ANK2: variants seen among roughly 807,000 people sequenced by gnomAD.
ANK2 encodes the protein ankyrin-2.
A neutral mutation model predicts 360.5 loss-of-function variants in ANK2; 83 were observed. That is an observed-to-expected ratio of 0.23 (90% CI 0.19 to 0.28). The LOEUF (loss-of-function observed/expected upper bound fraction) is 0.28. Ranked by LOEUF, ANK2 falls within the 10% of genes least tolerant of loss-of-function variation. ANK2 has a pLI of 1.00. For missense variants in ANK2, 4,201 were observed against 4,795.7 expected (o/e 0.88, Z 3.66); for synonymous variants, 1,740 against 1,759.5 (o/e 0.99, Z 0.28).
intron 1 of ANK2, 72 bp downstream of exon 1, chr4:113,049,884 G>A: frequency 1.3e-6 from 2 of 1,547,996 alleles, no homozygotes; most frequent in Non-Finnish European, 1.8e-6. Context: ...TGTAATATCA[G>A]CAAGGCTATG....
chr4:112,898,287 C>T (rs1471884466), intron 1 of ANK2, among the ~76,000 whole-genome samples: 2 of 152,126 alleles, frequency 1.3e-5, no homozygotes. Context: ...TGCCCCTTTT[C>T]TCTTCTAGGA....
chr4:113,308,339 T>C (rs1295076445), intron 23 of ANK2, among the ~76,000 whole-genome samples: 1 of 152,198 alleles, frequency 6.6e-6, no homozygotes, highest in Non-Finnish European at 1.5e-5. Flanking sequence ...AGTTCTGCTG[T>C]GGACATGCTA....
intron 1 of ANK2, among the ~76,000 whole-genome samples, chr4:113,064,141 T>G (rs1215322077): frequency 2.6e-5 from 4 of 152,218 alleles, no homozygotes; most frequent in African/African-American, 7.2e-5. Context: ...CTGAATTGTT[T>G]ACAGGTGTTA....
intron 2 of ANK2, among the ~76,000 whole-genome samples, chr4:113,032,254 T>C (rs1441097049): frequency 6.6e-6 from 1 of 152,076 alleles, no homozygotes; most frequent in East Asian, 1.9e-4. Flanking sequence ...TCATGTCTTC[T>C]TTTGTTGATC....
At chr4:113,179,171 C>G (rs766199607) in intron 2 of ANK2, among the ~76,000 whole-genome samples, 1 of 152,014 alleles carries the variant, frequency 6.6e-6, no homozygotes, top group Non-Finnish European at 1.5e-5. Context: ...TCTAAGTATA[C>G]AATATTCAAA....
chr4:113,087,013 A>C (rs989218037), intron 1 of ANK2, among the ~76,000 whole-genome samples: 3 of 152,210 alleles, frequency 2.0e-5, no homozygotes, highest in Non-Finnish European at 4.4e-5. Context: ...AGACCTGACC[A>C]AGACAGTTCT....
intron 17 of ANK2, among the ~76,000 whole-genome samples, chr4:113,280,036 T>C (rs981336106): frequency 8.5e-5 from 13 of 152,288 alleles, no homozygotes; most frequent in South Asian, 8.3e-4. Context: ...TGAGCAACTA[T>C]GGAATAAAAA....
chr4:113,344,022 C>G (rs1260148642), intron 34 of ANK2, among the ~76,000 whole-genome samples: 1 of 152,122 alleles, frequency 6.6e-6, no homozygotes, highest in South Asian at 2.1e-4. Context: ...TTAAGTTTTT[C>G]CAAGATCTCT....
intron 39 of ANK2, among the ~76,000 whole-genome samples, chr4:113,361,843 A>T (rs963013131): frequency 3.3e-5 from 5 of 152,088 alleles, no homozygotes; most frequent in Non-Finnish European, 7.4e-5. Context: ...TGGTTTTTAA[A>T]TATGTTTGTA....
intron 20 of ANK2, among the ~76,000 whole-genome samples, chr4:113,292,123 A>C (rs985229245): frequency 5.9e-5 from 9 of 152,036 alleles, no homozygotes; most frequent in Admixed American, 5.2e-4. Flanking sequence ...CACCCCCTTC[A>C]CCTTCTTAAG....
At chr4:113,271,891 C>T (rs2058676629) in intron 14 of ANK2, among the ~76,000 whole-genome samples, 1 of 152,170 alleles carries the variant, frequency 6.6e-6, no homozygotes, top group Non-Finnish European at 1.5e-5. Context: ...GCAGGAAGGT[C>T]CTTCCTTGTC....
chr4:112,938,020 G>A (rs1475719445), intron 2 of ANK2, among the ~76,000 whole-genome samples: 2 of 152,030 alleles, frequency 1.3e-5, no homozygotes, highest in African/African-American at 4.8e-5. Flanking sequence ...TATACATAGT[G>A]GGCACAAAGT....
At position 113,249,818 on chromosome 4, in the gene ANK2, G is replaced by T; in HGVS notation, c.946G>T (p.Glu316Ter). 6.2e-7 allele frequency: 1 copy of T among 1,614,162 alleles called. No homozygotes were observed. The highest frequency in any genetic ancestry group is 8.5e-7 in the Non-Finnish European group (1 of 1,180,036). Residue 316 changes from glutamate (E) to a stop codon, truncating the protein, a stop_gained, in exon 10 of 46, where the codon GAA becomes TAA. Coordinates refer to ENST00000357077, the MANE Select transcript of ANK2 (RefSeq NM_001148.6). LOFTEE classifies it high-confidence loss of function. The stretch of plus-strand genomic sequence containing the variant: ...ACGAAGTGGGCATGACCAAGTGGTG[G>T]AACTTCTGTTGGAACGGGGTGCCCC... ...AARSGHDQVVELLLERGAPLL... is the reference protein window; with the variant it reads ...AARSGHDQVV
intron 29 of ANK2, 149 bp from the exon 30 acceptor site, chr4:113,335,697 C>T: frequency 2.4e-6 from 2 of 820,630 alleles, no homozygotes; most frequent in Non-Finnish European, 4.1e-6. Context: ...GTTAGGATAG[C>T]CTTGCTTTTT....
chr4:112,883,946 C>G (rs1238462615), intron 1 of ANK2, among the ~76,000 whole-genome samples: 2 of 150,088 alleles, frequency 1.3e-5, no homozygotes, highest in Non-Finnish European at 3.0e-5. Flanking sequence ...CCTGATTGCT[C>G]TAGATAAGGA....
At chr4:112,772,530 G>C in the ANK2 span, among the ~76,000 whole-genome samples, 2 of 151,972 alleles carry the variant, frequency 1.3e-5, no homozygotes, top group East Asian at 1.9e-4. Context: ...CCTTACTGGA[G>C]ACTCACCTGG....
At chr4:112,753,399 A>C in the ANK2 span, among the ~76,000 whole-genome samples, 2 of 152,222 alleles carry the variant, frequency 1.3e-5, no homozygotes, top group Admixed American at 1.3e-4. Flanking sequence ...GTGTACCTAC[A>C]CAAACCTAGA....
chr4:112,910,372 A>C (rs2086709372), intron 2 of ANK2, among the ~76,000 whole-genome samples: 1 of 152,214 alleles, frequency 6.6e-6, no homozygotes, highest in Non-Finnish European at 1.5e-5. Context: ...GTCACAGAAA[A>C]GCTTTATTCA....
chr4:112,862,324 A>G (rs1230940172), intron 1 of ANK2, among the ~76,000 whole-genome samples: 1 of 152,230 alleles, frequency 6.6e-6, no homozygotes, highest in Non-Finnish European at 1.5e-5. Flanking sequence ...GCATCTAATT[A>G]TTGCCCTTTG....
Sources: allele counts gnomAD v4.1 joint callset (sites outside exome capture counted in the v4.1 genomes callset), GRCh38; gene constraint gnomAD v4.1.1; transcripts MANE v1.5; gene names NCBI Gene and HGNC (gene_info 2026-07-23, HGNC 2026-07-21).